The following KLHL13 variants were observed in gnomAD, a reference collection of about 807,000 sequenced individuals.
KLHL13 encodes the protein kelch like family member 13, also known as kelch-like protein 13.
In KLHL13, 10 loss-of-function variants were observed where a neutral mutation model predicts 37.1. That is an observed-to-expected ratio of 0.27 (90% CI 0.17 to 0.46). The LOEUF is 0.46. Ranked by LOEUF, KLHL13 falls within the 20% of genes least tolerant of loss-of-function variation. The probability of loss-of-function intolerance (pLI) is 1.00; values close to 1 mark genes in which losing one functional copy is unlikely to be tolerated. For synonymous variants in KLHL13, 163 were observed against 181.2 expected (o/e 0.90, Z 0.81); for missense variants, 360 against 509.3 (o/e 0.71, Z 2.82).
chrX:117,963,489 C>T (rs945969388), intron 1 of KLHL13, among the ~76,000 whole-genome samples: 1 of 111,139 alleles, frequency 9.0e-6, no homozygotes, highest in African/African-American at 3.3e-5. Context: ...GCTTCATTTT[C>T]CAAGTCTTTG....
chrX:117,950,047 TG>T (rs1328716287), intron 1 of KLHL13, among the ~76,000 whole-genome samples: 113 of 112,902 alleles, frequency 1.0e-3, no homozygotes, highest in African/African-American at 3.6e-3. Context: ...TAAAAGTATA[TG>T]AACAACACTT....
intron 1 of KLHL13, among the ~76,000 whole-genome samples, chrX:117,948,154 A>T (rs753713157): frequency 8.9e-6 from 1 of 111,835 alleles, no homozygotes; most frequent in South Asian, 3.8e-4. Flanking sequence ...TCTCTAGGTC[A>T]AAGCTGTTCT....
At chrX:117,911,053 GAACA>G (rs1157810758) in intron 4 of KLHL13, among the ~76,000 whole-genome samples, 1 of 111,725 alleles carries the variant, frequency 9.0e-6, no homozygotes, top group Admixed American at 9.5e-5. Flanking sequence ...ATAATACAAA[GAACA>G]AACCACAAAA....
chrX:117,929,784 A>AC (rs1264844259), intron 2 of KLHL13, among the ~76,000 whole-genome samples: 1 of 84,986 alleles, frequency 1.2e-5, no homozygotes, highest in African/African-American at 6.2e-5. Context: ...TCTACAAAAA[A>AC]AAAAAAAAAA....
upstream of KLHL13, among the ~76,000 whole-genome samples, chrX:117,977,448 C>T (rs1057069940): frequency 1.8e-5 from 2 of 111,379 alleles, no homozygotes; most frequent in Non-Finnish European, 3.8e-5. Flanking sequence ...TCACCAGTAC[C>T]ACCTCACCAA....
At chrX:117,951,213 A>G (rs28649598) in intron 1 of KLHL13, among the ~76,000 whole-genome samples, 6,878 of 111,668 alleles carry the variant, frequency 0.062, 523 homozygotes, top group African/African-American at 0.21. Context: ...CAACTCATGA[A>G]GTAAACTAAT....
intron 5 of KLHL13, among the ~76,000 whole-genome samples, chrX:117,904,255 T>C (rs1259044616): frequency 1.8e-5 from 2 of 111,549 alleles, no homozygotes; most frequent in African/African-American, 6.5e-5. Flanking sequence ...CCATGCAGAG[T>C]TGCTATTGTT....
chrX:117,927,440 T>C (rs1288217427), intron 2 of KLHL13, among the ~76,000 whole-genome samples: 1 of 112,180 alleles, frequency 8.9e-6, no homozygotes, highest in Admixed American at 9.4e-5. Flanking sequence ...AATATTCAAT[T>C]CAGTTCCTCT....
At chrX:117,927,260 C>T (rs1932118118) in intron 2 of KLHL13, among the ~76,000 whole-genome samples, 2 of 111,313 alleles carry the variant, frequency 1.8e-5, no homozygotes, top group African/African-American at 6.5e-5. Context: ...GGACGCCTCG[C>T]CTCGCCCCGC....
intron 1 of KLHL13, among the ~76,000 whole-genome samples, chrX:117,988,062 A>T (rs755379620): frequency 1.8e-5 from 2 of 112,249 alleles, no homozygotes; most frequent in South Asian, 7.4e-4. Context: ...AAGCCAGACC[A>T]TTTCCTCATT....
intron 1 of KLHL13, among the ~76,000 whole-genome samples, chrX:118,115,418 C>A (rs1393076784): frequency 1.8e-5 from 2 of 112,445 alleles, no homozygotes; most frequent in Admixed American, 1.9e-4. Context: ...TTTGTAACTA[C>A]GTGGTTTTAA....
intron 1 of KLHL13, among the ~76,000 whole-genome samples, chrX:118,042,479 CA>C (rs1202473258): frequency 9.0e-6 from 1 of 111,441 alleles, no homozygotes; most frequent in Admixed American, 9.6e-5. Flanking sequence ...TTAAAACATT[CA>C]AAAAAATTGA....
At chrX:117,931,982 TTCTC>T (rs1205789284) in intron 2 of KLHL13, among the ~76,000 whole-genome samples, 39 of 111,450 alleles carry the variant, frequency 3.5e-4, no homozygotes, top group Non-Finnish European at 6.6e-4. Context: ...ACTGAGCACT[TTCTC>T]TATCCCAGGG....
chrX:117,914,835 T>C (rs1277975897), intron 4 of KLHL13, among the ~76,000 whole-genome samples: 1 of 112,400 alleles, frequency 8.9e-6, no homozygotes, highest in Non-Finnish European at 1.9e-5. Flanking sequence ...TTTTGTGAGG[T>C]TGAAGAGGTT....
chrX:118,092,333 A>C (rs2055146693), intron 1 of KLHL13, among the ~76,000 whole-genome samples: 1 of 111,967 alleles, frequency 8.9e-6, no homozygotes, highest in Non-Finnish European at 1.9e-5. Context: ...CTATCAGGGG[A>C]AACAATTCAC....
intron 1 of KLHL13, among the ~76,000 whole-genome samples, chrX:118,007,382 A>T (rs2053997888): frequency 1.1e-5 from 1 of 88,715 alleles, no homozygotes; most frequent in Admixed American, 1.1e-4. Context: ...AAAAAAAAAA[A>T]AAAAAAAAAA....
chrX:117,922,854 C>A (rs934849353), intron 2 of KLHL13, among the ~76,000 whole-genome samples: 2 of 112,166 alleles, frequency 1.8e-5, no homozygotes, highest in South Asian at 3.7e-4. Flanking sequence ...CTAGAAGTAA[C>A]CACTGTTAAC....
At chrX:118,067,723 A>G (rs1310295887) in intron 1 of KLHL13, among the ~76,000 whole-genome samples, 1 of 110,612 alleles carries the variant, frequency 9.0e-6, no homozygotes. Context: ...CCACCTCCAC[A>G]TCGCATCCCA....
At chrX:118,054,004 T>A (rs1211970200) in intron 1 of KLHL13, among the ~76,000 whole-genome samples, 2 of 108,569 alleles carry the variant, frequency 1.8e-5, no homozygotes, top group Non-Finnish European at 3.8e-5. Flanking sequence ...AAAAAGACAA[T>A]GAAGGAGAAA....
Sources: allele counts gnomAD v4.1 joint callset (sites outside exome capture counted in the v4.1 genomes callset), GRCh38; gene constraint gnomAD v4.1.1; transcripts MANE v1.5; gene names NCBI Gene and HGNC (gene_info 2026-07-23, HGNC 2026-07-21).